Variants in TTC23 observed in about 807,000 individuals in gnomAD.
TTC23 encodes tetratricopeptide repeat domain 23.
In TTC23, 58 loss-of-function variants were observed where a neutral mutation model predicts 55.1. The ratio of observed to expected loss-of-function variants is 1.05; its 90% CI spans 0.85 to 1.31. TTC23 has a LOEUF of 1.31. Among genes scored for constraint, TTC23 ranks in the 50% most tolerant of loss-of-function variants. The pLI is 0.00. For synonymous variants in TTC23, 203 were observed against 199.9 expected, an observed-to-expected ratio of 1.02 and a Z score of -0.13; for missense variants, 516 against 534.4, an observed-to-expected ratio of 0.97 and a Z score of 0.34.
At chr15:99,217,184 T>G (rs1410390437) in intron 8 of TTC23, among the ~76,000 whole-genome samples, 1 of 150,542 alleles carries the variant, frequency 6.6e-6, no homozygotes, top group Non-Finnish European at 1.5e-5. Flanking sequence ...TGAGACAGAG[T>G]CTCACTCTGT....
intron 10 of TTC23, among the ~76,000 whole-genome samples, chr15:99,168,011 A>G (rs2072373081): frequency 6.6e-6 from 1 of 152,196 alleles, no homozygotes; most frequent in South Asian, 2.1e-4. Context: ...CGAGTCTGCT[A>G]GCTTGTGGAG....
intron 9 of TTC23, among the ~76,000 whole-genome samples, chr15:99,196,942 T>C (rs1170088189): frequency 6.6e-6 from 1 of 152,212 alleles, no homozygotes; most frequent in Non-Finnish European, 1.5e-5. Context: ...TATAGCTTCC[T>C]GAATGTGTCA....
chr15:99,229,842 A>G (rs1211569880), intron 4 of TTC23, among the ~76,000 whole-genome samples: 1 of 152,266 alleles, frequency 6.6e-6, no homozygotes, highest in African/African-American at 2.4e-5. Context: ...TCATCTCAGT[A>G]GAGGCGATAA....
intron 5 of TTC23, among the ~76,000 whole-genome samples, chr15:99,222,724 G>A (rs796463774): frequency 1.3e-5 from 2 of 152,156 alleles, no homozygotes; most frequent in East Asian, 1.9e-4. Context: ...CAGGCTGGGC[G>A]TGGTGGCTCA....
intron 10 of TTC23, among the ~76,000 whole-genome samples, chr15:99,163,124 C>T (rs532826159): frequency 6.6e-6 from 1 of 151,864 alleles, no homozygotes; most frequent in Non-Finnish European, 1.5e-5. Flanking sequence ...ACAACAACAA[C>T]AAAAAACAAA....
At chr15:99,187,452 C>CA (rs66568931) in intron 9 of TTC23, among the ~76,000 whole-genome samples, 7,420 of 44,236 alleles carry the variant, frequency 0.17, 653 homozygotes, top group East Asian at 0.26. Flanking sequence ...AAAGCACAAG[C>CA]AAAAAAAAAA....
chr15:99,210,489 C>T (rs566154009), intron 8 of TTC23, among the ~76,000 whole-genome samples: 3 of 152,262 alleles, frequency 2.0e-5, no homozygotes, highest in South Asian at 4.2e-4. Context: ...AAAAAGTATT[C>T]TAGGCACATA....
intron 12 of TTC23, among the ~76,000 whole-genome samples, chr15:99,153,785 G>C (rs372463027): frequency 6.6e-6 from 1 of 152,142 alleles, no homozygotes; most frequent in Non-Finnish European, 1.5e-5. Flanking sequence ...AGGAAGTAGA[G>C]AATAGGATTT....
At chr15:99,243,169 T>C (rs1402617251) in intron 2 of TTC23, among the ~76,000 whole-genome samples, 1 of 152,108 alleles carries the variant, frequency 6.6e-6, no homozygotes, top group Non-Finnish European at 1.5e-5. Flanking sequence ...AAAAATCTAA[T>C]AATCTGATTA....
At chr15:99,249,904 G>A (rs1184908755), upstream of TTC23, 1 of 152,076 alleles carries the variant, frequency 6.6e-6, no homozygotes, top group Non-Finnish European at 1.5e-5. Context: ...TAACTTTTGT[G>A]TCAATGTGGG....
chr15:99,139,603 CTA>C (rs1220506204), intron 12 of TTC23: 3 of 1,526,956 alleles, frequency 2.0e-6, no homozygotes, highest in Admixed American at 2.1e-5. Flanking sequence ...AGTTTTAGCA[CTA>C]TTTCACAAAA....
At chr15:99,151,933 C>T (rs1567336190) in intron 12 of TTC23, among the ~76,000 whole-genome samples, 1 of 152,200 alleles carries the variant, frequency 6.6e-6, no homozygotes, top group Non-Finnish European at 1.5e-5. Context: ...CTCTCAGCCT[C>T]AGTTTCCCTC....
intron 13 of TTC23, among the ~76,000 whole-genome samples, chr15:99,138,395 C>T (rs1442157091): frequency 1.3e-5 from 2 of 152,020 alleles, no homozygotes; most frequent in Non-Finnish European, 2.9e-5. Flanking sequence ...CTCCCTGCAA[C>T]TTCCGCCTCC....
At chr15:99,233,772 T>G (rs2079104110) in intron 4 of TTC23, among the ~76,000 whole-genome samples, 1 of 152,196 alleles carries the variant, frequency 6.6e-6, no homozygotes, top group South Asian at 2.1e-4. Flanking sequence ...AAATACAGAT[T>G]TATTGAGCTA....
At chr15:99,186,666 T>A (rs2074692856) in intron 9 of TTC23, among the ~76,000 whole-genome samples, 2 of 152,118 alleles carry the variant, frequency 1.3e-5, no homozygotes. Flanking sequence ...TATACATGAA[T>A]AATTAGAAAA....
At chr15:99,201,287 A>G (rs571367416) in intron 8 of TTC23, among the ~76,000 whole-genome samples, 7 of 152,230 alleles carry the variant, frequency 4.6e-5, no homozygotes, top group Non-Finnish European at 7.3e-5. Context: ...TTCAGCAAAC[A>G]CAGCACATAT....
chr15:99,156,366 T>A (rs1596303110), intron 11 of TTC23, 69 bp from the exon 12 acceptor site: 2 of 1,568,940 alleles, frequency 1.3e-6, no homozygotes, highest in South Asian at 2.3e-5. Flanking sequence ...ACGCAACTTG[T>A]AACATTTTCA....
At chr15:99,217,275 A>G (rs1290025938) in intron 8 of TTC23, among the ~76,000 whole-genome samples, 1 of 151,546 alleles carries the variant, frequency 6.6e-6, no homozygotes, top group Non-Finnish European at 1.5e-5. Flanking sequence ...CTCCTGCCTC[A>G]GCCTCCTGAG....
intron 12 of TTC23, among the ~76,000 whole-genome samples, chr15:99,150,456 C>T (rs1477127559): frequency 6.6e-6 from 1 of 152,136 alleles, no homozygotes; most frequent in Non-Finnish European, 1.5e-5. Context: ...CGTAATAGTC[C>T]AAGAGACAAA....
Sources: allele counts gnomAD v4.1 joint callset (sites outside exome capture counted in the v4.1 genomes callset), GRCh38; gene constraint gnomAD v4.1.1; transcripts MANE v1.5; gene names NCBI Gene and HGNC (gene_info 2026-07-23, HGNC 2026-07-21).